Variants in DNAH3 observed in about 807,000 individuals in gnomAD.
DNAH3 encodes axonemal beta dynein heavy chain 3.
Under a neutral mutation model 432.5 loss-of-function variants are expected in DNAH3, and 332 were observed. The ratio of observed to expected loss-of-function variants is 0.77; its 90% CI spans 0.70 to 0.84. The LOEUF (loss-of-function observed/expected upper bound fraction) is 0.84, where lower values mean the gene tolerates loss of function less well. Among genes scored for constraint, DNAH3 ranks in the 40% least tolerant of loss-of-function variants. The pLI is 0.00. For missense variants in DNAH3, 4,861 were observed against 5,114.0 expected, an observed-to-expected ratio of 0.95 and a Z score of 1.51; for synonymous variants, 1,956 against 1,900.2, an observed-to-expected ratio of 1.03 and a Z score of -0.76.
chr16:21,099,463 A>G (rs76466296), intron 16 of DNAH3, among the ~76,000 whole-genome samples: 5,485 of 152,292 alleles, frequency 0.036, 174 homozygotes, highest in East Asian at 0.18. Flanking sequence ...CTTTCCAAAG[A>G]TTTATCAACT....
At chr16:21,014,725 T>C (rs529836256) in intron 41 of DNAH3, among the ~76,000 whole-genome samples, 1 of 152,220 alleles carries the variant, frequency 6.6e-6, no homozygotes, top group Admixed American at 6.5e-5. Context: ...AACTTATAAG[T>C]GATTGTAGTA....
chr16:21,054,358 G>A lies in DNAH3; in HGVS notation c.4039+62C>T, dbSNP rs1275492309. On this transcript the variant is annotated intron_variant, in intron 28 of 61. Coordinates refer to ENST00000261383, the Ensembl canonical transcript of DNAH3. The stretch of plus-strand genomic sequence containing the variant: ...TTATTCCGTCCAGGAGAACTGAGAT[G>A]AGCAAGACTAGACTGCTTCTCCTGG... 7 of 1,272,604 alleles carry A rather than the reference G, an allele frequency of 5.5e-6. No individual in the cohort carries two copies. The African/African-American group carries it at 1.0e-4, about 19-fold the overall frequency. The allele number at this position is 1,272,604 out of a possible 1,614,324, so 78.8% of individuals were successfully genotyped here.
At chr16:20,946,242 C>T (rs1421282707) in intron 57 of DNAH3, among the ~76,000 whole-genome samples, 1 of 152,224 alleles carries the variant, frequency 6.6e-6, no homozygotes, top group African/African-American at 2.4e-5. Flanking sequence ...CTTGGGTCTG[C>T]ACAACCTCTT....
At chr16:21,122,770 C>T (rs1241223542) in intron 9 of DNAH3, among the ~76,000 whole-genome samples, 3 of 151,988 alleles carry the variant, frequency 2.0e-5, no homozygotes, top group Admixed American at 6.6e-5. Context: ...AATCTCCTCC[C>T]ACTTCTGAAC....
chr16:21,145,186 GA>G lies in DNAH3; in HGVS notation c.442del (p.Ser148HisfsTer11), dbSNP rs1755116368. 2 of 1,610,434 alleles carry G rather than the reference GA, an allele frequency of 1.2e-6. No homozygotes were observed. Among genetic ancestry groups the G allele is most frequent in the Admixed American group, 1.7e-5 (1 of 59,518 alleles). On this transcript the variant is annotated frameshift_variant, in exon 3 of 62. Transcript: ENST00000261383. LOFTEE classifies it high-confidence loss of function. ...TGTGACACTGCCACAAGTACCTGAT[GA>G]TGGCAGCCCCTGACCGGTCCTGTCC...
At chr16:20,944,659 T>A (rs1441128649) in exon 58 of DNAH3, 1 of 1,613,978 alleles carries the variant, frequency 6.2e-7, no homozygotes, top group African/African-American at 1.3e-5. Flanking sequence ...ATAGTCGATA[T>A]AGGACTGGAA....
intron 58 of DNAH3, among the ~76,000 whole-genome samples, chr16:20,943,983 C>CAA (rs35780087): frequency 7.5e-6 from 1 of 133,892 alleles, no homozygotes; most frequent in African/African-American, 2.8e-5. Context: ...AACCGTGTCT[C>CAA]AAAAAAAAAA....
intron 33 of DNAH3, among the ~76,000 whole-genome samples, chr16:21,038,843 G>A (rs1399849280): frequency 6.6e-6 from 1 of 152,204 alleles, no homozygotes; most frequent in Non-Finnish European, 1.5e-5. Flanking sequence ...TCATATGACT[G>A]AGGCAGCCTC....
At chr16:21,114,010 T>G (rs2092131566) in intron 12 of DNAH3, among the ~76,000 whole-genome samples, 1 of 152,202 alleles carries the variant, frequency 6.6e-6, no homozygotes, top group African/African-American at 2.4e-5. Flanking sequence ...GTATTTATGA[T>G]AAAGTTTAAT....
At chr16:21,124,727 G>A (rs775848879) in intron 9 of DNAH3, among the ~76,000 whole-genome samples, 5 of 151,548 alleles carry the variant, frequency 3.3e-5, no homozygotes, top group Non-Finnish European at 7.4e-5. Context: ...TGGTCTCACT[G>A]CAACTTCCGC....
At chr16:21,158,585 C>T (rs557575045) in intron 1 of DNAH3, 2 of 152,522 alleles carry the variant, frequency 1.3e-5, no homozygotes, top group East Asian at 3.9e-4. Flanking sequence ...CGGGGCGAGC[C>T]CAGAGGAGAA....
chr16:20,934,869 A>AG (rs1236388223), intron 61 of DNAH3, among the ~76,000 whole-genome samples: 4 of 152,054 alleles, frequency 2.6e-5, no homozygotes, highest in African/African-American at 9.7e-5. Context: ...CCAGTTTGTG[A>AG]CCTCTGGACT....
At chr16:21,009,362 T>C (rs1308224875) in intron 41 of DNAH3, among the ~76,000 whole-genome samples, 1 of 152,120 alleles carries the variant, frequency 6.6e-6, no homozygotes, top group African/African-American at 2.4e-5. Context: ...TGAAATCAGG[T>C]AGACAAGCAA....
chr16:21,083,156 C>T (rs145630787), intron 19 of DNAH3, among the ~76,000 whole-genome samples: 1 of 152,080 alleles, frequency 6.6e-6, no homozygotes, highest in Non-Finnish European at 1.5e-5. Context: ...GTTGGGATTA[C>T]AGGCGCATGG....
intron 61 of DNAH3, among the ~76,000 whole-genome samples, chr16:20,934,668 G>A (rs947862376): frequency 6.6e-6 from 1 of 152,078 alleles, no homozygotes; most frequent in Non-Finnish European, 1.5e-5. Flanking sequence ...GCAAGTAAAG[G>A]ACTCTATGTT....
chr16:21,146,079 T>A, exon 2 of DNAH3: 1 of 1,612,408 alleles, frequency 6.2e-7, no homozygotes, highest in Non-Finnish European at 8.5e-7. Flanking sequence ...ATGGAGTCAC[T>A]TTTGGCGATC....
At chr16:20,970,034 G>C in intron 51 of DNAH3, 44 bp from the exon 52 acceptor site, 1 of 1,578,132 alleles carries the variant, frequency 6.3e-7, no homozygotes, top group Non-Finnish European at 8.7e-7. Flanking sequence ...CCCAGGGCCT[G>C]GCACAATGGG....
chr16:21,025,472 G>C (rs1404941158), intron 38 of DNAH3, among the ~76,000 whole-genome samples: 1 of 145,056 alleles, frequency 6.9e-6, no homozygotes, highest in Non-Finnish European at 1.5e-5. Context: ...TGTAATTATA[G>C]ATATAATTAT....
At chr16:20,948,258 A>G (rs1215424586) in intron 57 of DNAH3, among the ~76,000 whole-genome samples, 1 of 151,834 alleles carries the variant, frequency 6.6e-6, no homozygotes, top group East Asian at 1.9e-4. Context: ...ACCCAGATGG[A>G]TCCTATATTT....
Sources: gnomAD v4.1 joint callset for allele counts (sites outside exome capture counted in the v4.1 genomes callset) on GRCh38, gnomAD v4.1.1 for gene constraint, MANE v1.5 for transcripts, NCBI Gene and HGNC (gene_info 2026-07-23, HGNC 2026-07-21) for gene names.